The following ATP9A variants were observed in gnomAD, a reference collection of about 807,000 sequenced individuals.
ATP9A encodes probable phospholipid-transporting ATPase IIA.
Under a neutral mutation model 144.1 loss-of-function variants are expected in ATP9A, and 52 were observed. That is an observed-to-expected ratio of 0.36 (90% CI 0.29 to 0.45). The LOEUF (loss-of-function observed/expected upper bound fraction) is 0.45. Ranked by LOEUF, ATP9A falls within the 20% of genes least tolerant of loss-of-function variation. The pLI is 1.00. For synonymous variants in ATP9A, 582 were observed against 557.4 expected (o/e 1.04, Z -0.62); for missense variants, 947 against 1,392.7 (o/e 0.68, Z 5.09).
chr20:51,689,290 G>A, intron 8 of ATP9A, 151 bp from the exon 9 acceptor site: 1 of 666,392 alleles, frequency 1.5e-6, no homozygotes, highest in Non-Finnish European at 2.6e-6. Context: ...CCACCATGAG[G>A]GGAGGGCCAA....
chr20:51,682,577 CTTTTTTTTTTTT>C (rs60505207), intron 9 of ATP9A, among the ~76,000 whole-genome samples: 780 of 35,112 alleles, frequency 0.022, 42 homozygotes, highest in Admixed American at 0.1. Context: ...TTCACTGTAT[CTTTTTTTTTTTT>C]TTTTTTTTTT....
In ATP9A at chr20:51,744,716, G is replaced by C. The variant is rs181932147; in HGVS notation, c.69-14738C>G. On this transcript the variant is annotated intron_variant, in intron 1 of 27. Transcript: ENST00000338821. ...CTGGGAGTTCCCCTATAATCAGTTA[G>C]CACTGCGCAAATATTTGCTGAATTG... Among the ~76,000 whole-genome samples the C allele has an allele frequency of 2.1e-3, 316 of 152,320 alleles. 1 individual carries two copies. The highest frequency in any genetic ancestry group is 7.4e-3 in the African/African-American group (306 of 41,578).
At chr20:51,617,398 G>T (rs1601058926) in intron 22 of ATP9A, 92 bp downstream of exon 22, 3 of 1,310,136 alleles carry the variant, frequency 2.3e-6, no homozygotes, top group Non-Finnish European at 3.2e-6. Context: ...TTCTTTATCT[G>T]GAATTTCCAG....
At chr20:51,663,655 A>G (rs912826484) in intron 13 of ATP9A, among the ~76,000 whole-genome samples, 2 of 152,010 alleles carry the variant, frequency 1.3e-5, no homozygotes, top group Non-Finnish European at 2.9e-5. Flanking sequence ...TTAGCTGGGC[A>G]TGGTGGTAGG....
At chr20:51,655,906 T>C (rs2077385074) in intron 14 of ATP9A, among the ~76,000 whole-genome samples, 1 of 151,634 alleles carries the variant, frequency 6.6e-6, no homozygotes, top group Admixed American at 6.6e-5. Context: ...AATGGATAAA[T>C]AAAATGTAAT....
chr20:51,634,997 A>C (rs9679995), intron 15 of ATP9A, among the ~76,000 whole-genome samples: 1 of 147,556 alleles, frequency 6.8e-6, no homozygotes, highest in Non-Finnish European at 1.5e-5. Flanking sequence ...AATGCCCCCC[A>C]CCTCCTGGTA....
Position 51,690,736 on chromosome 20 carries a change from T to C in ATP9A, c.723+3A>G. ...GGATCCCATGTGAAGGAAGCTCACT[T>C]ACTCGGGTAAAAGTTCCCACGAAGT... is the stretch of plus-strand genomic sequence containing the variant. On this transcript the variant is annotated splice_donor_region_variant and intron_variant, in intron 8 of 27. Transcript: ENST00000338821. The C allele has an allele frequency of 1.2e-6, 2 of 1,612,378 alleles. No individual in the cohort carries two copies. Among genetic ancestry groups the C allele is most frequent in the Non-Finnish European group, 1.7e-6 (2 of 1,178,392 alleles).
chr20:51,745,935 C>T (rs1375726733), intron 1 of ATP9A, among the ~76,000 whole-genome samples: 1 of 152,146 alleles, frequency 6.6e-6, no homozygotes, highest in Non-Finnish European at 1.5e-5. Flanking sequence ...ACCTAAATGC[C>T]CATCAAAGAC....
At chr20:51,744,961 C>T (rs1274691578) in intron 1 of ATP9A, among the ~76,000 whole-genome samples, 1 of 152,060 alleles carries the variant, frequency 6.6e-6, no homozygotes, top group Non-Finnish European at 1.5e-5. Flanking sequence ...GAAACCTTGT[C>T]TCTACTAAAA....
rs2077475860 is a variant in ATP9A at position 51,676,071 on chromosome 20, C to T, written c.876+61G>A. The T allele has an allele frequency of 2.3e-6, 3 of 1,279,774 alleles. No homozygotes were observed. The Admixed American group carries it at 5.7e-5, about 24-fold the overall frequency. The allele number at this position is 1,279,774 out of a possible 1,614,324, so 79.3% of individuals were successfully genotyped here. Reference sequence around the variant, plus strand: ...GTGTTCCTATTTTAATATCTCGTCACTCACCCACCAGAACCAACCAGCCCA... The same window carrying T: ...GTGTTCCTATTTTAATATCTCGTCATTCACCCACCAGAACCAACCAGCCCA... On this transcript the variant is annotated intron_variant, in intron 10 of 27. Coordinates refer to ENST00000338821, the MANE Select transcript of ATP9A (RefSeq NM_006045.3).
chr20:51,712,289 T>A (rs2077642860), intron 4 of ATP9A, among the ~76,000 whole-genome samples: 1 of 152,100 alleles, frequency 6.6e-6, no homozygotes, highest in South Asian at 2.1e-4. Flanking sequence ...TTAGCCAGGA[T>A]GGTCTCGATC....
chr20:51,747,532 T>C (rs538465886), intron 1 of ATP9A, among the ~76,000 whole-genome samples: 2 of 152,166 alleles, frequency 1.3e-5, no homozygotes, highest in Middle Eastern at 3.4e-3. Context: ...GCAAGAAACA[T>C]GTAATTTATT....
intron 2 of ATP9A, among the ~76,000 whole-genome samples, chr20:51,726,741 G>A (rs528389100): frequency 6.6e-6 from 1 of 152,032 alleles, no homozygotes; most frequent in South Asian, 2.1e-4. Context: ...ACCATGCCCA[G>A]CTAAATTTTT....
chr20:51,599,673 A>C lies in ATP9A; in HGVS notation c.*1538T>G. 6.6e-6 allele frequency: 1 copy of C among 152,228 alleles called. No individual in the cohort carries two copies. Among genetic ancestry groups the C allele is most frequent in the East Asian group, 1.9e-4 (1 of 5,192 alleles). 9.4% of individuals were successfully genotyped at this position (152,228 alleles called of 1,614,324 possible). A position where few individuals can be genotyped will look rare whatever the true frequency, so the allele number is the denominator to read the frequency against. ...ATCAAGAGTGCTCCAAAGGCAAGGG[A>C]CTATCTGATCCTCGTGTCTCCAGCT... On this transcript the variant is annotated 3_prime_UTR_variant, in exon 28 of 28. Transcript: ENST00000338821.
chr20:51,690,710 A>C, intron 8 of ATP9A, 29 bp downstream of exon 8: 4 of 1,565,900 alleles, frequency 2.6e-6, no homozygotes, highest in Non-Finnish European at 3.5e-6. Flanking sequence ...TCCCGGTGAC[A>C]GGATCCCATG....
At chr20:51,732,027 C>A (rs1320816027) in intron 1 of ATP9A, among the ~76,000 whole-genome samples, 1 of 152,032 alleles carries the variant, frequency 6.6e-6, no homozygotes, top group South Asian at 2.1e-4. Context: ...GTCGGCAGAA[C>A]GACCCCAAGG....
At chr20:51,697,086 G>C (rs2077573575) in intron 5 of ATP9A, among the ~76,000 whole-genome samples, 1 of 152,170 alleles carries the variant, frequency 6.6e-6, no homozygotes, top group Admixed American at 6.5e-5. Flanking sequence ...TATTTTAAGT[G>C]TCTATGTAGT....
At position 51,625,333 on chromosome 20, in the gene ATP9A, C is replaced by A. The variant is rs1221830519; in HGVS notation, c.1875G>T (p.Val625=). The change falls in exon 18 of 28, where the codon GTG becomes GTT. Residue 625 remains valine, a synonymous_variant. Coordinates refer to ENST00000338821, the MANE Select transcript of ATP9A (RefSeq NM_006045.3). ...TGGCCACTTTGAGGGAGCGGTCGTGCACACTCAGCTTGGCCTGGACGTAGC... is the reference window on the plus strand; with the variant it reads ...TGGCCACTTTGAGGGAGCGGTCGTGAACACTCAGCTTGGCCTGGACGTAGC... ...EARYVQAKLS[V]HDRSLKVATV... is the part of the protein sequence containing the mutation. 6.2e-7 allele frequency: 1 copy of A among 1,614,020 alleles called. No homozygotes were observed. Among genetic ancestry groups the A allele is most frequent in the African/African-American group, 1.3e-5 (1 of 74,934 alleles).
intron 5 of ATP9A, among the ~76,000 whole-genome samples, chr20:51,696,776 T>C (rs147659976): frequency 6.6e-6 from 1 of 152,294 alleles, no homozygotes; most frequent in South Asian, 2.1e-4. Flanking sequence ...TAAAAGAGCA[T>C]AGCTCAATTT....
Sources: allele counts gnomAD v4.1 joint callset (sites outside exome capture counted in the v4.1 genomes callset), GRCh38; gene constraint gnomAD v4.1.1; transcripts MANE v1.5; gene names NCBI Gene and HGNC (gene_info 2026-07-23, HGNC 2026-07-21).